Variants in GRK5 observed in about 807,000 individuals in gnomAD.
GRK5 encodes G protein-coupled receptor kinase 5.
Under a neutral mutation model 78.4 loss-of-function variants are expected in GRK5, and 40 were observed. The ratio of observed to expected loss-of-function variants is 0.51; its 90% confidence interval spans 0.40 to 0.66. The LOEUF is 0.66. Ranked by LOEUF, GRK5 falls within the 30% of genes least tolerant of loss-of-function variation. GRK5 has a pLI of 0.00. For synonymous variants in GRK5, 289 were observed against 296.8 expected (o/e 0.97, Z 0.27); for missense variants, 598 against 759.9 (o/e 0.79, Z 2.50).
intron 2 of GRK5, among the ~76,000 whole-genome samples, chr10:119,340,839 G>C (rs1010152102): frequency 1.3e-5 from 2 of 152,216 alleles, no homozygotes; most frequent in Admixed American, 6.5e-5. Context: ...TTCTGGCAGA[G>C]AGTGCTTTGC....
chr10:119,266,077 A>T (rs1407175759), intron 1 of GRK5, among the ~76,000 whole-genome samples: 1 of 152,106 alleles, frequency 6.6e-6, no homozygotes, highest in African/African-American at 2.4e-5. Flanking sequence ...GGCTGTCCTG[A>T]GGTTGTGCCC....
intron 1 of GRK5, among the ~76,000 whole-genome samples, chr10:119,292,595 G>C (rs1047833484): frequency 5.9e-5 from 9 of 152,206 alleles, no homozygotes; most frequent in Non-Finnish European, 1.2e-4. Flanking sequence ...GAGGGACAAG[G>C]CTCTCCAATC....
chr10:119,267,435 C>T lies in GRK5; in HGVS notation c.53-59081C>T, dbSNP rs182602865. ...TGACCCCTGCTGCTGTCAGATTGCC[C>T]GTCTGGGAGCTGGGGTCATACTTGT... On this transcript the variant is annotated intron_variant, in intron 1 of 15. Coordinates refer to ENST00000392870, the MANE Select transcript of GRK5 (RefSeq NM_005308.3). The surrounding 1 kb of genome is among the most constrained non-coding windows in gnomAD (Gnocchi z 4.1). Among the ~76,000 whole-genome samples, 262 of 152,170 alleles carry T rather than the reference C, an allele frequency of 1.7e-3. No individual in the cohort carries two copies. Among genetic ancestry groups the T allele is most frequent in the African/African-American group, 6.0e-3 (250 of 41,516 alleles).
chr10:119,384,869 G>A lies in GRK5; in HGVS notation c.261+3942G>A, dbSNP rs113545422. 5.4e-3 allele frequency among the ~76,000 whole-genome samples: 822 copies of A among 152,338 alleles called. 6 individuals are homozygous for A. The highest frequency in any genetic ancestry group is 9.3e-3 in the Non-Finnish European group (630 of 68,034). ...CATAAGCCAATGACATGGAATGTTCGAAGGTGAGAACTGGGATGGAAAAAC... is the reference window on the plus strand; with the variant it reads ...CATAAGCCAATGACATGGAATGTTCAAAGGTGAGAACTGGGATGGAAAAAC... On this transcript the variant is annotated intron_variant, in intron 3 of 15. Transcript: ENST00000392870.
intron 2 of GRK5, among the ~76,000 whole-genome samples, chr10:119,367,958 G>A (rs941251268): frequency 6.6e-6 from 1 of 152,256 alleles, no homozygotes; most frequent in African/African-American, 2.4e-5. Context: ...GAAGCCAGGC[G>A]CCTCGGCAGG....
At chr10:119,394,089 CTG>C (rs766784537) in intron 3 of GRK5, among the ~76,000 whole-genome samples, 55 of 90,806 alleles carry the variant, frequency 6.1e-4, no homozygotes, top group South Asian at 8.6e-4. Flanking sequence ...GTGTGGGTAT[CTG>C]TGTGTGTCTG....
chr10:119,424,033 G>A (rs556041463), intron 5 of GRK5, among the ~76,000 whole-genome samples: 1 of 152,280 alleles, frequency 6.6e-6, no homozygotes, highest in South Asian at 2.1e-4. Context: ...ACAGCAACCT[G>A]CATGCACTTT....
intron 2 of GRK5, among the ~76,000 whole-genome samples, chr10:119,330,936 G>T (rs1021069351): frequency 7.9e-5 from 12 of 152,138 alleles, no homozygotes; most frequent in Admixed American, 7.2e-4. Flanking sequence ...CAGGAAAATC[G>T]CTTCAACTTG....
Position 119,442,012 on chromosome 10 carries a change from C to G in GRK5, c.981C>G (p.Ile327Met). 6.2e-7 allele frequency: 1 copy of G among 1,613,986 alleles called. No homozygotes were observed. The highest frequency in any genetic ancestry group is 8.5e-7 in the Non-Finnish European group (1 of 1,179,898). Residue 327 changes from isoleucine to methionine, a missense_variant, in exon 11 of 16, where the codon ATC (isoleucine) becomes ATG (methionine). Physicochemically the swap from Ile to Met is conservative, Grantham distance 10. Coordinates refer to ENST00000392870, the MANE Select transcript of GRK5 (RefSeq NM_005308.3). ...ILLDDYGHIR[I>M]SDLGLAVKIP... ...TGTCCCCCTCAGGCCACATTAGGATCTCAGACCTGGGCTTGGCTGTGAAGA... is the reference window on the plus strand; with the variant it reads ...TGTCCCCCTCAGGCCACATTAGGATGTCAGACCTGGGCTTGGCTGTGAAGA...
rs1019543121 is a variant in GRK5, at chr10:119,430,137, T to A, written c.534-238T>A. On this transcript the variant is annotated intron_variant, in intron 6 of 15. Coordinates refer to ENST00000392870, the MANE Select transcript of GRK5 (RefSeq NM_005308.3). This position sits in a 1 kb window ranked among gnomAD's most constrained non-coding sequence, Gnocchi z 4.5. ...TTTCTGAGCAAGCGAGGCTTGTGCA[T>A]CCCCCAGCTTGCAGGGGGCTGGGGG... Among the ~76,000 whole-genome samples the A allele has an allele frequency of 1.4e-4, 22 of 152,062 alleles. 1 individual carries two copies. The highest frequency in any genetic ancestry group is 2.5e-4 in the Non-Finnish European group (17 of 68,016).
intron 1 of GRK5, among the ~76,000 whole-genome samples, chr10:119,265,655 C>A (rs953077961): frequency 7.2e-5 from 11 of 152,336 alleles, no homozygotes; most frequent in African/African-American, 2.6e-4. Context: ...TCTATGGCAG[C>A]CTGAGCTGAT....
At chr10:119,291,637 T>C (rs200360169) in intron 1 of GRK5, among the ~76,000 whole-genome samples, 8 of 144,262 alleles carry the variant, frequency 5.5e-5, no homozygotes. Context: ...TTCCTCCTTC[T>C]CTTCTTCCTC....
chr10:119,366,290 C>T (rs1446721176), intron 2 of GRK5, among the ~76,000 whole-genome samples: 5 of 152,180 alleles, frequency 3.3e-5, no homozygotes, highest in Admixed American at 2.6e-4. Context: ...CTGCTTTCAT[C>T]AATTGCATAT....
At chr10:119,282,810 C>T (rs938390153) in intron 1 of GRK5, among the ~76,000 whole-genome samples, 3 of 152,310 alleles carry the variant, frequency 2.0e-5, no homozygotes, top group Non-Finnish European at 2.9e-5. Context: ...AGCTCTTGAG[C>T]GCTTTCTCCT....
At position 119,313,059 on chromosome 10, in the gene GRK5, A is replaced by G. The variant is rs1457576845; in HGVS notation, c.53-13457A>G. 5.1e-3 allele frequency among the ~76,000 whole-genome samples: 70 copies of G among 13,800 alleles called. 2 individuals are homozygous for G. The East Asian group carries it at 0.065, about 13-fold the overall frequency. 9.1% of individuals were successfully genotyped at this position (13,800 alleles called of 152,430 possible). A position where few individuals can be genotyped will look rare whatever the true frequency, so the allele number is the denominator to read the frequency against. On this transcript the variant is annotated intron_variant, in intron 1 of 15. Coordinates refer to ENST00000392870, the MANE Select transcript of GRK5 (RefSeq NM_005308.3). ...GGTGATGGTGGTGGTGGTAATGATG[A>G]TGGTGGTGGTGATGGTGGTGGTGGT...
At chr10:119,396,884 G>A (rs987572309) in intron 4 of GRK5, 112 bp downstream of exon 4, 2 of 824,816 alleles carry the variant, frequency 2.4e-6, no homozygotes. Flanking sequence ...CTGGGCTGGT[G>A]GCTGTTGTTG....
chr10:119,427,546 C>T (rs1279538580), intron 6 of GRK5, among the ~76,000 whole-genome samples: 2 of 152,044 alleles, frequency 1.3e-5, no homozygotes, highest in African/African-American at 4.8e-5. Flanking sequence ...GTATCACCAC[C>T]ATCCTCAGTA....
At chr10:119,222,529 C>T (rs1848671184) in intron 1 of GRK5, among the ~76,000 whole-genome samples, 1 of 152,076 alleles carries the variant, frequency 6.6e-6, no homozygotes, top group South Asian at 2.1e-4. Flanking sequence ...GACAAGGGCC[C>T]TACGGTTCCC....
chr10:119,323,421 C>T (rs767777547), intron 1 of GRK5, among the ~76,000 whole-genome samples: 1 of 152,228 alleles, frequency 6.6e-6, no homozygotes, highest in Non-Finnish European at 1.5e-5. Flanking sequence ...GTTCTAACGA[C>T]CCTCCCAGGC....
Sources: allele counts gnomAD v4.1 joint callset (sites outside exome capture counted in the v4.1 genomes callset), GRCh38; gene constraint gnomAD v4.1.1; non-coding constraint Gnocchi (gnomAD v3.1); transcripts MANE v1.5; gene names NCBI Gene and HGNC (gene_info 2026-07-23, HGNC 2026-07-21).